The following TET1 variants were observed in gnomAD, a reference collection of about 807,000 sequenced individuals.
TET1 encodes tet methylcytosine dioxygenase 1.
TET1 carries 13 observed loss-of-function variants against 148.7 expected under a neutral mutation model. The ratio of observed to expected loss-of-function variants is 0.09; its 90% CI spans 0.06 to 0.14. The LOEUF (loss-of-function observed/expected upper bound fraction) is 0.14. TET1 is among the 10% of genes least tolerant of loss of function. The pLI, the probability that TET1 is intolerant of heterozygous loss-of-function variation, is 1.00. For missense variants in TET1, 2,182 were observed against 2,553.8 expected, an observed-to-expected ratio of 0.85 and a Z score of 3.14; for synonymous variants, 907 against 937.2, an observed-to-expected ratio of 0.97 and a Z score of 0.59.
At chr10:68,609,012 A>G (rs548050551) in intron 3 of TET1, among the ~76,000 whole-genome samples, 1 of 151,130 alleles carries the variant, frequency 6.6e-6, no homozygotes, top group South Asian at 2.1e-4. Flanking sequence ...TTGTTTGTTT[A>G]TATGTTTTTA....
At chr10:68,611,979 A>G (rs1029683195) in intron 3 of TET1, among the ~76,000 whole-genome samples, 1 of 152,028 alleles carries the variant, frequency 6.6e-6, no homozygotes, top group Non-Finnish European at 1.5e-5. Context: ...TTCACTTGAT[A>G]GCCTTACTGA....
rs866103110 is a variant in TET1, at chr10:68,574,090, AAAG to A, written c.1758_1760del (p.Lys587del). 1.9e-6 allele frequency: 3 copies of A among 1,614,196 alleles called. No homozygotes were observed. Among genetic ancestry groups the A allele is most frequent in the Non-Finnish European group, 1.7e-6 (2 of 1,180,040 alleles). On this transcript the variant is annotated inframe_deletion, in exon 2 of 12. Transcript: ENST00000373644. Reference sequence around the variant, plus strand: ...ATACCACTTTGCTACCGACTTTGGAAAAGAAGAAAAGAAAGCGATGTGGGGTCT... The same window carrying A: ...ATACCACTTTGCTACCGACTTTGGAAAAGAAAAGAAAGCGATGTGGGGTCT...
At chr10:68,640,052 C>T (rs1360552417) in intron 3 of TET1, among the ~76,000 whole-genome samples, 1 of 151,222 alleles carries the variant, frequency 6.6e-6, no homozygotes, top group Admixed American at 6.6e-5. Context: ...TTTAGCCATC[C>T]GAGTAGCTGG....
At chr10:68,660,633 A>ATT (rs34262975) in intron 6 of TET1, among the ~76,000 whole-genome samples, 5 of 126,828 alleles carry the variant, frequency 3.9e-5, no homozygotes, top group Admixed American at 3.3e-4. Context: ...TGCCTGGCCA[A>ATT]TTTTTTTTTT....
At chr10:68,648,752 C>G (rs890743085) in intron 4 of TET1, among the ~76,000 whole-genome samples, 1 of 152,180 alleles carries the variant, frequency 6.6e-6, no homozygotes, top group Non-Finnish European at 1.5e-5. Flanking sequence ...TTTCTCTGCT[C>G]ATTGTTCAAT....
In TET1 at chr10:68,568,175, G is replaced by A. The variant is rs189849338; in HGVS notation, c.-122-4042G>A. Reference sequence around the variant, plus strand: ...TTACAGGCGTGAGCCACTGCACTGCGCCCAGCCTTTGGGATTACAGGTGTG... The same window carrying A: ...TTACAGGCGTGAGCCACTGCACTGCACCCAGCCTTTGGGATTACAGGTGTG... On this transcript the variant is annotated intron_variant, in intron 1 of 11. Transcript: ENST00000373644. Among the ~76,000 whole-genome samples, 27 of 150,800 alleles carry A rather than the reference G, an allele frequency of 1.8e-4. No individual in the cohort carries two copies. In the East Asian group the frequency reaches 5.1e-3, roughly 28 times the overall value.
At chr10:68,637,436 A>T (rs995762210) in intron 3 of TET1, among the ~76,000 whole-genome samples, 1 of 149,726 alleles carries the variant, frequency 6.7e-6, no homozygotes, top group Non-Finnish European at 1.5e-5. Context: ...CTTTGAAGAG[A>T]TTTTTGTTGC....
rs544334216 is a variant in TET1, at chr10:68,663,748, T to C, written c.4462-3297T>C. On this transcript the variant is annotated intron_variant, in intron 6 of 11. Coordinates refer to ENST00000373644, the MANE Select transcript of TET1 (RefSeq NM_030625.3). ...TGTACACACAGAACAAGAATGTGTATACCTTTAGTGTTCTCCTGGTTTTTG... is the reference window on the plus strand; with the variant it reads ...TGTACACACAGAACAAGAATGTGTACACCTTTAGTGTTCTCCTGGTTTTTG... Among the ~76,000 whole-genome samples, 12 of 152,344 alleles carry C rather than the reference T, an allele frequency of 7.9e-5. No individual in the cohort carries two copies. In the South Asian group the frequency reaches 8.3e-4, roughly 11 times the overall value.
In TET1 at chr10:68,664,870, G is replaced by T. The variant is rs527407015; in HGVS notation, c.4462-2175G>T. Among the ~76,000 whole-genome samples the T allele has an allele frequency of 7.2e-5, 11 of 151,726 alleles. No individual in the cohort carries two copies. In the South Asian group the frequency reaches 2.3e-3, roughly 32 times the overall value. Reference sequence around the variant, plus strand: ...GCTCACTGCAACCTCGGCTTCCCAGGTTCAAGGGATCCTCCCCCCTCAGCC... The same window carrying T: ...GCTCACTGCAACCTCGGCTTCCCAGTTTCAAGGGATCCTCCCCCCTCAGCC... On this transcript the variant is annotated intron_variant, in intron 6 of 11. Transcript: ENST00000373644.
At chr10:68,648,246 G>A (rs1489231019) in intron 4 of TET1, among the ~76,000 whole-genome samples, 2 of 152,188 alleles carry the variant, frequency 1.3e-5, no homozygotes, top group East Asian at 3.8e-4. Flanking sequence ...TTCTCAGGCA[G>A]ACCTTATGAG....
intron 2 of TET1, among the ~76,000 whole-genome samples, chr10:68,595,993 C>CCAT (rs1448913955): frequency 3.0e-5 from 2 of 65,988 alleles, no homozygotes; most frequent in African/African-American, 1.1e-4. Context: ...TACACACACA[C>CCAT]ACACACACAC....
Position 68,645,983 on chromosome 10 carries a change from C to T in TET1, c.3254C>T (p.Ala1085Val). 6.2e-7 allele frequency: 1 copy of T among 1,613,976 alleles called. No individual in the cohort carries two copies. Among genetic ancestry groups the T allele is most frequent in the South Asian group, 1.1e-5 (1 of 91,056 alleles). The change falls in exon 4 of 12, where the codon GCT (alanine) becomes GTT (valine). Residue 1085 changes from alanine (A) to valine (V), a missense_variant. Physicochemically the swap from Ala to Val is moderately conservative, Grantham distance 64. This residue lies in a region of TET1 where 582 missense variants were observed against 599.5 expected (regional missense o/e 0.97). Coordinates refer to ENST00000373644, the MANE Select transcript of TET1 (RefSeq NM_030625.3). ...EDVATQLTQLASIIKINYIKP... is the reference protein window; with the variant it reads ...EDVATQLTQLVSIIKINYIKP... Reference sequence around the variant, plus strand: ...GTTGCAACACAGTTGACACAACTTGCTTCGATAATTAAGATCAATTATATA... The same window carrying T: ...GTTGCAACACAGTTGACACAACTTGTTTCGATAATTAAGATCAATTATATA...
At chr10:68,615,995 A>G (rs145442374) in intron 3 of TET1, among the ~76,000 whole-genome samples, 2 of 152,354 alleles carry the variant, frequency 1.3e-5, no homozygotes, top group East Asian at 3.9e-4. Flanking sequence ...CCTATAAATA[A>G]GGACATCTTA....
At chr10:68,615,342 G>A (rs947580546) in intron 3 of TET1, among the ~76,000 whole-genome samples, 7 of 132,060 alleles carry the variant, frequency 5.3e-5, no homozygotes, top group Non-Finnish European at 1.1e-4. Flanking sequence ...TCAGAATGGT[G>A]TTTCTTTTCT....
At chr10:68,614,346 G>C (rs1488065551) in intron 3 of TET1, among the ~76,000 whole-genome samples, 1 of 152,154 alleles carries the variant, frequency 6.6e-6, no homozygotes, top group African/African-American at 2.4e-5. Flanking sequence ...TTTATGTGCT[G>C]TTCATGGTCA....
chr10:68,668,591 G>GT (rs2055225915), intron 7 of TET1, among the ~76,000 whole-genome samples: 1 of 152,170 alleles, frequency 6.6e-6, no homozygotes, highest in African/African-American at 2.4e-5. Context: ...TTGTTGTTTT[G>GT]TTTTTTTGAG....
chr10:68,581,849 A>G (rs2053801930), intron 2 of TET1, among the ~76,000 whole-genome samples: 1 of 151,706 alleles, frequency 6.6e-6, no homozygotes, highest in Non-Finnish European at 1.5e-5. Flanking sequence ...AAAAAAAAAA[A>G]GGAAAGCAAT....
chr10:68,570,265 C>T lies in TET1; in HGVS notation c.-122-1952C>T, dbSNP rs182688498. On this transcript the variant is annotated intron_variant, in intron 1 of 11. Coordinates refer to ENST00000373644, the MANE Select transcript of TET1 (RefSeq NM_030625.3). ...GATTACAGGCGCCTGCCACCACGCC[C>T]GGCTAATTTTTGTATTTTTGGTAGA... 3.7e-3 allele frequency among the ~76,000 whole-genome samples: 561 copies of T among 151,992 alleles called. 2 individuals are homozygous for T. Among genetic ancestry groups the T allele is most frequent in the African/African-American group, 0.013 (544 of 41,450 alleles).
intron 2 of TET1, among the ~76,000 whole-genome samples, chr10:68,595,351 G>A (rs1589060651): frequency 6.6e-6 from 1 of 152,122 alleles, no homozygotes; most frequent in African/African-American, 2.4e-5. Flanking sequence ...GAAAAATAAA[G>A]AATTTCTTGG....
Sources: allele counts gnomAD v4.1 joint callset (sites outside exome capture counted in the v4.1 genomes callset), GRCh38; gene constraint gnomAD v4.1.1; regional missense constraint gnomAD v4.1.1; transcripts MANE v1.5; gene names NCBI Gene and HGNC (gene_info 2026-07-23, HGNC 2026-07-21).